Variants in ZNF704 observed in about 807,000 individuals in gnomAD.
The protein encoded by ZNF704 is zinc finger protein 704, also known as glucocorticoid induced gene 1.
In ZNF704, 10 loss-of-function variants were observed where a neutral mutation model predicts 44.7. The ratio of observed to expected loss-of-function variants is 0.22; its 90% CI spans 0.14 to 0.38. The LOEUF is 0.38. Ranked by LOEUF, ZNF704 falls within the 10% of genes least tolerant of loss-of-function variation. The probability of loss-of-function intolerance (pLI) is 1.00; values close to 1 mark genes in which losing one functional copy is unlikely to be tolerated. For synonymous variants in ZNF704, 211 were observed against 207.6 expected (o/e 1.02, Z -0.14); for missense variants, 390 against 545.5 (o/e 0.71, Z 2.84).
chr8:80,873,206 C>A (rs1167894449), intron 1 of ZNF704, among the ~76,000 whole-genome samples: 2 of 152,094 alleles, frequency 1.3e-5, no homozygotes, highest in African/African-American at 2.4e-5. Context: ...CCACCGGGCA[C>A]GAACCGGCGC....
At chr8:80,721,005 G>T (rs1269001433) in intron 2 of ZNF704, among the ~76,000 whole-genome samples, 1 of 152,178 alleles carries the variant, frequency 6.6e-6, no homozygotes, top group Non-Finnish European at 1.5e-5. Context: ...GGTCCCATTC[G>T]CATTGTGTGA....
intron 2 of ZNF704, among the ~76,000 whole-genome samples, chr8:80,800,821 T>G (rs974922225): frequency 5.3e-5 from 8 of 152,028 alleles, no homozygotes; most frequent in African/African-American, 1.9e-4. Flanking sequence ...ATACTAACCT[T>G]ACACTTAAAT....
upstream of ZNF704, among the ~76,000 whole-genome samples, chr8:80,877,243 T>C (rs1399780403): frequency 9.7e-6 from 1 of 103,090 alleles, no homozygotes; most frequent in Non-Finnish European, 2.1e-5. Context: ...AACCATTAAA[T>C]GAAGGCTAAT....
rs546161961 is a variant in ZNF704 at position 80,677,501 on chromosome 8, G to A, written c.559-6898C>T. On this transcript the variant is annotated intron_variant, in intron 4 of 8. Transcript: ENST00000327835. ...CCATTATCCTCTGTCAAGTCACTTG[G>A]AATTAGGATAACTACCAACAGCAAT... 3.5e-4 allele frequency among the ~76,000 whole-genome samples: 53 copies of A among 152,240 alleles called. 1 individual carries two copies. The South Asian group carries it at 0.011, about 31-fold the overall frequency.
chr8:80,767,336 G>A (rs1046776889), intron 2 of ZNF704, among the ~76,000 whole-genome samples: 5 of 151,346 alleles, frequency 3.3e-5, no homozygotes, highest in South Asian at 2.1e-4. Context: ...TAAGGACACC[G>A]AGAAACACAT....
chr8:80,769,551 G>A (rs183468255), intron 2 of ZNF704, among the ~76,000 whole-genome samples: 1 of 152,124 alleles, frequency 6.6e-6, no homozygotes, highest in African/African-American at 2.4e-5. Context: ...AATCACTAGG[G>A]CAGGGGCAAA....
intron 2 of ZNF704, among the ~76,000 whole-genome samples, chr8:80,804,319 A>G (rs1377797750): frequency 6.6e-6 from 1 of 152,236 alleles, no homozygotes; most frequent in Non-Finnish European, 1.5e-5. Context: ...CAATCCCATT[A>G]CTGGGTATAT....
chr8:80,675,372 G>A (rs1818348636), intron 4 of ZNF704, among the ~76,000 whole-genome samples: 1 of 152,192 alleles, frequency 6.6e-6, no homozygotes, highest in Non-Finnish European at 1.5e-5. Context: ...CAGATCATGT[G>A]GGACTTTGCA....
chr8:80,690,045 A>G (rs1398845848), intron 3 of ZNF704, among the ~76,000 whole-genome samples: 1 of 148,360 alleles, frequency 6.7e-6, no homozygotes, highest in Non-Finnish European at 1.5e-5. Flanking sequence ...AATTCTAGAG[A>G]AAATCTTTTT....
intron 2 of ZNF704, among the ~76,000 whole-genome samples, chr8:80,712,739 G>A (rs889269287): frequency 3.3e-5 from 5 of 152,026 alleles, no homozygotes; most frequent in Admixed American, 6.5e-5. Flanking sequence ...AGTATCACCA[G>A]TGAGCCGAGA....
intron 7 of ZNF704, among the ~76,000 whole-genome samples, chr8:80,654,405 C>A (rs1411230524): frequency 6.6e-6 from 1 of 152,120 alleles, no homozygotes; most frequent in Non-Finnish European, 1.5e-5. Flanking sequence ...GAACAGGCAA[C>A]CTACAGAATG....
At chr8:80,644,073 C>T (rs183744923) in intron 7 of ZNF704, among the ~76,000 whole-genome samples, 11 of 152,298 alleles carry the variant, frequency 7.2e-5, no homozygotes, top group Admixed American at 2.0e-4. Flanking sequence ...ACTTACTGAG[C>T]GCTCACTATG....
intron 2 of ZNF704, among the ~76,000 whole-genome samples, chr8:80,777,873 C>T (rs1019694317): frequency 1.5e-4 from 22 of 144,054 alleles, no homozygotes; most frequent in Non-Finnish European, 2.4e-4. Context: ...AGTGAGGCTG[C>T]GACTCAACAA....
intron 7 of ZNF704, chr8:80,645,307 G>T: frequency 1.2e-6 from 1 of 815,424 alleles, no homozygotes; most frequent in Non-Finnish European, 1.9e-6. Flanking sequence ...AGCCAACGTG[G>T]TCACAGGAAT....
rs549727948 is a variant in ZNF704, at chr8:80,771,522, T to C, written c.221+49852A>G. 1.4e-3 allele frequency among the ~76,000 whole-genome samples: 209 copies of C among 152,308 alleles called. 1 individual carries two copies. Among genetic ancestry groups the C allele is most frequent in the African/African-American group, 4.3e-3 (177 of 41,588 alleles). The stretch of plus-strand genomic sequence containing the variant: ...TGTGTTCATTGCTAATATACAGAAA[T>C]GCAACTGATTTTTGTGTTTATTTTG... On this transcript the variant is annotated intron_variant, in intron 2 of 8. Transcript: ENST00000327835.
chr8:80,841,446 A>C (rs1233243087), intron 1 of ZNF704, among the ~76,000 whole-genome samples: 1 of 151,294 alleles, frequency 6.6e-6, no homozygotes, highest in East Asian at 2.0e-4. Flanking sequence ...CCCAACACAT[A>C]TTTTTCAATC....
In ZNF704 at chr8:80,692,086, C is replaced by T. The variant is rs185105611; in HGVS notation, c.325+918G>A. Among the ~76,000 whole-genome samples, 751 of 152,196 alleles carry T rather than the reference C, an allele frequency of 4.9e-3. 5 individuals carry two copies. The highest frequency in any genetic ancestry group is 0.017 in the African/African-American group (711 of 41,508). Reference sequence around the variant, plus strand: ...CAGTGCTAGAATCACTTTAATAGTGCTCCCATAGCCTCAGCATAAAGTCCA... The same window carrying T: ...CAGTGCTAGAATCACTTTAATAGTGTTCCCATAGCCTCAGCATAAAGTCCA... On this transcript the variant is annotated intron_variant, in intron 3 of 8. Transcript: ENST00000327835.
intron 2 of ZNF704, among the ~76,000 whole-genome samples, chr8:80,765,489 C>T (rs932104331): frequency 3.3e-5 from 5 of 152,152 alleles, no homozygotes; most frequent in African/African-American, 1.2e-4. Flanking sequence ...CATCCTTATG[C>T]CATAGTTAAT....
intron 2 of ZNF704, among the ~76,000 whole-genome samples, chr8:80,786,523 G>A (rs1170778059): frequency 6.6e-6 from 1 of 152,196 alleles, no homozygotes; most frequent in Non-Finnish European, 1.5e-5. Context: ...ATATTTGAGT[G>A]ACTGCCATGT....
Sources: allele counts gnomAD v4.1 joint callset (sites outside exome capture counted in the v4.1 genomes callset), GRCh38; gene constraint gnomAD v4.1.1; transcripts MANE v1.5; gene names NCBI Gene and HGNC (gene_info 2026-07-23, HGNC 2026-07-21).